The following SLCO3A1 variants were observed in gnomAD, a reference collection of about 807,000 sequenced individuals.
SLCO3A1 encodes PGE1 transporter.
Under a neutral mutation model 63.1 loss-of-function variants are expected in SLCO3A1, and 27 were observed. That is an observed-to-expected ratio of 0.43 (90% CI 0.32 to 0.59). SLCO3A1 has a LOEUF of 0.59. SLCO3A1 is among the 20% of genes least tolerant of loss of function. SLCO3A1 has a pLI of 0.09. For missense variants in SLCO3A1, 773 were observed against 945.8 expected (o/e 0.82, Z 2.40); for synonymous variants, 473 against 409.9 (o/e 1.15, Z -1.86).
chr15:92,079,644 A>G (rs758744070), intron 2 of SLCO3A1, among the ~76,000 whole-genome samples: 2 of 152,262 alleles, frequency 1.3e-5, no homozygotes, highest in African/African-American at 2.4e-5. Flanking sequence ...TCCCGCGGCC[A>G]GGGCTTCAAC....
chr15:92,169,665 G>A (rs970397663), downstream of SLCO3A1, among the ~76,000 whole-genome samples: 1 of 152,170 alleles, frequency 6.6e-6, no homozygotes, highest in East Asian at 1.9e-4. Flanking sequence ...CGGCTCCCCC[G>A]GAAAGACCCC....
chr15:91,906,508 C>A (rs1272893000), intron 1 of SLCO3A1, among the ~76,000 whole-genome samples: 1 of 152,166 alleles, frequency 6.6e-6, no homozygotes. Context: ...GGCCCTAGGG[C>A]ATATAAAGAA....
At chr15:91,984,930 C>T (rs1326340479) in intron 2 of SLCO3A1, among the ~76,000 whole-genome samples, 1 of 151,912 alleles carries the variant, frequency 6.6e-6, no homozygotes, top group Non-Finnish European at 1.5e-5. Flanking sequence ...CTTTTTTTTG[C>T]AGTAATCTTT....
At chr15:92,090,010 C>T (rs752129115) in intron 2 of SLCO3A1, among the ~76,000 whole-genome samples, 1 of 152,050 alleles carries the variant, frequency 6.6e-6, no homozygotes, top group African/African-American at 2.4e-5. Context: ...AGTAGCTGCT[C>T]GAAAACCATG....
intron 1 of SLCO3A1, among the ~76,000 whole-genome samples, chr15:91,905,444 G>A (rs764117165): frequency 3.3e-5 from 5 of 152,112 alleles, no homozygotes; most frequent in African/African-American, 9.7e-5. Flanking sequence ...TAGATTTCTT[G>A]TGATACCTAA....
intron 2 of SLCO3A1, among the ~76,000 whole-genome samples, chr15:92,066,567 C>T (rs1277772795): frequency 1.3e-5 from 2 of 152,176 alleles, no homozygotes; most frequent in Admixed American, 6.5e-5. Context: ...GAGTTCAAGT[C>T]CATATTCTTC....
At chr15:92,034,040 A>C (rs544127406) in intron 2 of SLCO3A1, among the ~76,000 whole-genome samples, 1 of 146,822 alleles carries the variant, frequency 6.8e-6, no homozygotes, top group African/African-American at 2.4e-5. Context: ...GCTTTTATGC[A>C]GAAGGACCTG....
chr15:92,133,580 T>C lies in SLCO3A1; in HGVS notation c.1512+5091T>C, dbSNP rs1030897795. On this transcript the variant is annotated intron_variant, in intron 7 of 9. Coordinates refer to ENST00000318445, the MANE Select transcript of SLCO3A1 (RefSeq NM_013272.4). ...GCCTCCTGTCAGATCAGCAGTGGCATTGGATTCTTACAGGAGCATGAACTT... is the reference window on the plus strand; with the variant it reads ...GCCTCCTGTCAGATCAGCAGTGGCACTGGATTCTTACAGGAGCATGAACTT... Among the ~76,000 whole-genome samples, 15 of 144,948 alleles carry C rather than the reference T, an allele frequency of 1.0e-4. 1 individual carries two copies. The highest frequency in any genetic ancestry group is 8.9e-4 in the Admixed American group (13 of 14,564).
chr15:91,910,405 A>T (rs567419449), intron 1 of SLCO3A1, among the ~76,000 whole-genome samples: 29 of 152,242 alleles, frequency 1.9e-4, no homozygotes, highest in African/African-American at 6.7e-4. Context: ...TGCTCTCTTA[A>T]TCATGGTTAT....
intron 1 of SLCO3A1, among the ~76,000 whole-genome samples, chr15:91,880,393 C>CTGTGTGTGTGTGTGTG (rs1312987837): frequency 1.9e-3 from 84 of 44,700 alleles, no homozygotes; most frequent in African/African-American, 4.9e-3. Flanking sequence ...CTCTCTCTCT[C>CTGTGTGTGTGTGTGTG]TCTCTCTCTC....
At chr15:91,902,233 G>C (rs1898177364) in intron 1 of SLCO3A1, among the ~76,000 whole-genome samples, 1 of 151,836 alleles carries the variant, frequency 6.6e-6, no homozygotes, top group African/African-American at 2.4e-5. Context: ...CACTCACTGT[G>C]TCACCCAGGC....
intron 4 of SLCO3A1, among the ~76,000 whole-genome samples, chr15:92,107,358 G>A (rs1296129809): frequency 6.6e-6 from 1 of 152,230 alleles, no homozygotes; most frequent in Non-Finnish European, 1.5e-5. Flanking sequence ...GCCAGTGCAT[G>A]AAGTGGGGCC....
intron 2 of SLCO3A1, among the ~76,000 whole-genome samples, chr15:91,991,771 A>G (rs1388016129): frequency 6.6e-6 from 1 of 152,244 alleles, no homozygotes; most frequent in Non-Finnish European, 1.5e-5. Flanking sequence ...CTAGCCGCAT[A>G]TGACTAGTGG....
intron 2 of SLCO3A1, among the ~76,000 whole-genome samples, chr15:92,092,366 G>A (rs1207353035): frequency 6.6e-6 from 1 of 152,110 alleles, no homozygotes; most frequent in African/African-American, 2.4e-5. Context: ...CTATGATTAT[G>A]GGTGATGGGG....
intron 1 of SLCO3A1, among the ~76,000 whole-genome samples, chr15:91,910,620 A>C (rs1898454200): frequency 6.6e-6 from 1 of 152,260 alleles, no homozygotes; most frequent in Admixed American, 6.5e-5. Context: ...AGGCTCAGGA[A>C]GATTGACTTG....
chr15:91,922,789 C>T (rs1407937286), intron 2 of SLCO3A1, among the ~76,000 whole-genome samples: 3 of 152,196 alleles, frequency 2.0e-5, no homozygotes, highest in Admixed American at 1.3e-4. Flanking sequence ...AAATAAATGG[C>T]ACTATAAAAG....
intron 7 of SLCO3A1, among the ~76,000 whole-genome samples, chr15:92,134,983 G>T (rs1156238119): frequency 5.3e-5 from 8 of 152,210 alleles, no homozygotes; most frequent in Non-Finnish European, 8.8e-5. Flanking sequence ...AGCAGGGCAG[G>T]TGGCTCACTT....
At chr15:92,131,858 A>G (rs1490391320) in intron 7 of SLCO3A1, among the ~76,000 whole-genome samples, 1 of 145,970 alleles carries the variant, frequency 6.9e-6, no homozygotes, top group Non-Finnish European at 1.5e-5. Context: ...GGGCTGTGTT[A>G]GTGCCCTTCC....
chr15:92,162,310 A>C (rs1006551718), intron 9 of SLCO3A1: 4 of 157,532 alleles, frequency 2.5e-5, no homozygotes, highest in African/African-American at 7.2e-5. Context: ...ACCACAGTGC[A>C]AATTCCAGGT....
Sources: gnomAD v4.1 joint callset for allele counts (sites outside exome capture counted in the v4.1 genomes callset) on GRCh38, gnomAD v4.1.1 for gene constraint, MANE v1.5 for transcripts, NCBI Gene and HGNC (gene_info 2026-07-23, HGNC 2026-07-21) for gene names.